Variants in PGBD5 observed in about 807,000 individuals in gnomAD.
The protein encoded by PGBD5 is piggyBac transposable element derived 5.
PGBD5 carries 14 observed loss-of-function variants against 47.9 expected under a neutral mutation model. That is an observed-to-expected ratio of 0.29 (90% CI 0.19 to 0.46). The LOEUF (loss-of-function observed/expected upper bound fraction) is 0.46, where lower values mean the gene tolerates loss of function less well. Among genes scored for constraint, PGBD5 ranks in the 20% least tolerant of loss-of-function variants. The probability of loss-of-function intolerance (pLI) is 1.00; values close to 1 mark genes in which losing one functional copy is unlikely to be tolerated. For missense variants in PGBD5, 635 were observed against 716.0 expected (o/e 0.89, Z 1.29); for synonymous variants, 316 against 306.3 (o/e 1.03, Z -0.33).
chr1:230,416,758 C>A (rs1459886027), intron 1 of PGBD5, among the ~76,000 whole-genome samples: 1 of 152,210 alleles, frequency 6.6e-6, no homozygotes, highest in Non-Finnish European at 1.5e-5. Flanking sequence ...GCTAAGGAAT[C>A]TGGATTTCCC....
chr1:230,375,533 C>T (rs954286206), intron 1 of PGBD5, among the ~76,000 whole-genome samples: 1 of 151,962 alleles, frequency 6.6e-6, no homozygotes, highest in South Asian at 2.1e-4. Context: ...CTGGATGCTT[C>T]AGATGTACAA....
rs1043979977 is a variant in PGBD5 at position 230,379,922 on chromosome 1, G to A, written c.332-22601C>T. On this transcript the variant is annotated intron_variant, in intron 1 of 6. Transcript: ENST00000391860. Reference sequence around the variant, plus strand: ...AGAGATTCAGGGACTTGCCCAAGTGGCGGGATTTGAACCCAGGAAGTCTGG... The same window carrying A: ...AGAGATTCAGGGACTTGCCCAAGTGACGGGATTTGAACCCAGGAAGTCTGG... 2.8e-4 allele frequency among the ~76,000 whole-genome samples: 43 copies of A among 152,350 alleles called. 1 individual carries two copies. Among genetic ancestry groups the A allele is most frequent in the Admixed American group, 2.1e-3 (32 of 15,302 alleles).
intron 5 of PGBD5, 59 bp downstream of exon 5, chr1:230,332,785 C>T (rs890752035): frequency 3.1e-6 from 5 of 1,594,866 alleles, no homozygotes; most frequent in Non-Finnish European, 2.6e-6. Context: ...GCGGTGGGCT[C>T]GGCCAAGCTC....
At position 230,371,813 on chromosome 1, in the gene PGBD5, G is replaced by A. The variant is rs547787648; in HGVS notation, c.332-14492C>T. On this transcript the variant is annotated intron_variant, in intron 1 of 6. Coordinates refer to ENST00000391860, the MANE Select transcript of PGBD5 (RefSeq NM_001258311.2). ...CACAAATCACTCAACATCATCTACCGAGTGACAGAGCCTGGGTTTGAATCA... is the reference window on the plus strand; with the variant it reads ...CACAAATCACTCAACATCATCTACCAAGTGACAGAGCCTGGGTTTGAATCA... 2.6e-5 allele frequency among the ~76,000 whole-genome samples: 4 copies of A among 152,264 alleles called. 1 individual carries two copies. The highest frequency in any genetic ancestry group is 4.2e-4 in the South Asian group (2 of 4,816).
chr1:230,397,016 G>A (rs995202639), intron 1 of PGBD5, among the ~76,000 whole-genome samples: 1 of 152,194 alleles, frequency 6.6e-6, no homozygotes, highest in Non-Finnish European at 1.5e-5. Context: ...AAGGACAGCT[G>A]GGAGGTGCAC....
Position 230,324,741 on chromosome 1 carries a change from C to T in PGBD5, c.1379+569G>A, listed in dbSNP as rs983835375. Reference sequence around the variant, plus strand: ...AATGGCACGAGGTCAGGGGTGGCATCGTGGGTGTCTGGACGTCCGCACATT... The same window carrying T: ...AATGGCACGAGGTCAGGGGTGGCATTGTGGGTGTCTGGACGTCCGCACATT... On this transcript the variant is annotated intron_variant, in intron 6 of 6. Transcript: ENST00000391860. 6.6e-5 allele frequency among the ~76,000 whole-genome samples: 10 copies of T among 152,254 alleles called. No individual in the cohort carries two copies. In the East Asian group the frequency reaches 1.2e-3, roughly 18 times the overall value.
At chr1:230,419,865 C>G (rs969060973) in intron 1 of PGBD5, among the ~76,000 whole-genome samples, 1 of 152,174 alleles carries the variant, frequency 6.6e-6, no homozygotes, top group African/African-American at 2.4e-5. Flanking sequence ...GTTGCTCACA[C>G]CTGTAATCTC....
intron 1 of PGBD5, among the ~76,000 whole-genome samples, chr1:230,392,592 C>T (rs936655561): frequency 2.6e-5 from 4 of 152,186 alleles, no homozygotes; most frequent in Non-Finnish European, 4.4e-5. Flanking sequence ...CTGCCTCCTC[C>T]GGACTCTCCT....
intron 1 of PGBD5, among the ~76,000 whole-genome samples, chr1:230,401,517 T>A (rs1183550106): frequency 6.6e-6 from 1 of 152,134 alleles, no homozygotes; most frequent in African/African-American, 2.4e-5. Context: ...CTTGAGCAGA[T>A]CCTTGTCCTA....
At chr1:230,396,566 C>CG (rs397711302) in intron 1 of PGBD5, among the ~76,000 whole-genome samples, 1 of 140,206 alleles carries the variant, frequency 7.1e-6, no homozygotes, top group African/African-American at 2.8e-5. Context: ...GTTGCCCCCC[C>CG]TCCCCCTGCA....
chr1:230,390,066 A>G (rs1331421387), intron 1 of PGBD5, among the ~76,000 whole-genome samples: 1 of 152,224 alleles, frequency 6.6e-6, no homozygotes, highest in Admixed American at 6.5e-5. Flanking sequence ...GCTGCCAGTC[A>G]GATTGGGATA....
At chr1:230,366,284 C>T (rs1158539358) in intron 1 of PGBD5, among the ~76,000 whole-genome samples, 2 of 152,172 alleles carry the variant, frequency 1.3e-5, no homozygotes, top group Non-Finnish European at 2.9e-5. Context: ...TAGTACAAAA[C>T]TAAAACATAG....
In PGBD5 at chr1:230,414,938, C is replaced by A. The variant is rs146616579; in HGVS notation, c.331+10660G>T. Among the ~76,000 whole-genome samples, 104 of 152,298 alleles carry A rather than the reference C, an allele frequency of 6.8e-4. 1 individual carries two copies. The highest frequency in any genetic ancestry group is 6.8e-3 in the Middle Eastern group (2 of 294). ...CTGGGAACACTTATTTAAGATGGCA[C>A]TGGTGGAAGATGTCACCTTCCCCAA... is the stretch of plus-strand genomic sequence containing the variant. On this transcript the variant is annotated intron_variant, in intron 1 of 6. Coordinates refer to ENST00000391860, the MANE Select transcript of PGBD5 (RefSeq NM_001258311.2).
intron 1 of PGBD5, among the ~76,000 whole-genome samples, chr1:230,384,792 T>C (rs1490628590): frequency 1.3e-5 from 2 of 152,112 alleles, no homozygotes; most frequent in African/African-American, 2.4e-5. Flanking sequence ...GGTGCTTAAT[T>C]AAATATTAGT....
intron 1 of PGBD5, among the ~76,000 whole-genome samples, chr1:230,361,768 G>C (rs1313902844): frequency 6.6e-6 from 1 of 152,240 alleles, no homozygotes; most frequent in African/African-American, 2.4e-5. Flanking sequence ...AGCTGACTGG[G>C]AGTAAGAGCA....
chr1:230,410,095 G>A (rs1340134584), intron 1 of PGBD5, among the ~76,000 whole-genome samples: 1 of 152,138 alleles, frequency 6.6e-6, no homozygotes, highest in East Asian at 1.9e-4. Flanking sequence ...GAGATACCAG[G>A]CAAATGCAAA....
chr1:230,422,231 C>T (rs1003146280), intron 1 of PGBD5, among the ~76,000 whole-genome samples: 3 of 152,058 alleles, frequency 2.0e-5, no homozygotes, highest in South Asian at 2.1e-4. Flanking sequence ...ACCAAACAGA[C>T]GAGAGCCCTT....
At chr1:230,362,644 T>C (rs1483703946) in intron 1 of PGBD5, among the ~76,000 whole-genome samples, 2 of 152,152 alleles carry the variant, frequency 1.3e-5, no homozygotes, top group Non-Finnish European at 2.9e-5. Flanking sequence ...TCTGCTTGTG[T>C]GGCCCGTCTC....
intron 3 of PGBD5, among the ~76,000 whole-genome samples, chr1:230,337,587 C>A (rs1316987715): frequency 2.0e-5 from 3 of 152,194 alleles, no homozygotes; most frequent in African/African-American, 7.2e-5. Flanking sequence ...CTTTCAAACA[C>A]AGGAATGATT....
Sources: gnomAD v4.1 joint callset for allele counts (sites outside exome capture counted in the v4.1 genomes callset) on GRCh38, gnomAD v4.1.1 for gene constraint, MANE v1.5 for transcripts, NCBI Gene and HGNC (gene_info 2026-07-23, HGNC 2026-07-21) for gene names.